Variants in MAGI2 observed in about 807,000 individuals in gnomAD.
The protein encoded by MAGI2 is membrane-associated guanylate kinase, WW and PDZ domain-containing protein 2.
In MAGI2, 35 loss-of-function variants were observed where a neutral mutation model predicts 133.3. The observed-to-expected ratio is 0.26, with a 90% CI of 0.20 to 0.35. The LOEUF (loss-of-function observed/expected upper bound fraction) is 0.35, where lower values mean the gene tolerates loss of function less well. Among genes scored for constraint, MAGI2 ranks in the 10% least tolerant of loss-of-function variants. The probability of loss-of-function intolerance (pLI) is 1.00; values close to 1 mark genes in which losing one functional copy is unlikely to be tolerated. For synonymous variants in MAGI2, 729 were observed against 710.6 expected, an observed-to-expected ratio of 1.03 and a Z score of -0.41; for missense variants, 1,636 against 1,863.4, an observed-to-expected ratio of 0.88 and a Z score of 2.25.
intron 1 of MAGI2, among the ~76,000 whole-genome samples, chr7:79,073,474 C>A (rs976335680): frequency 1.3e-5 from 2 of 152,086 alleles, no homozygotes; most frequent in African/African-American, 4.8e-5. Flanking sequence ...TATATATGTT[C>A]ATTCCCTTGA....
intron 9 of MAGI2, among the ~76,000 whole-genome samples, chr7:78,273,129 A>AG (rs1259144467): frequency 6.6e-6 from 1 of 152,162 alleles, no homozygotes; most frequent in Non-Finnish European, 1.5e-5. Context: ...CTTGTAAGGC[A>AG]GGCCTGGTGG....
rs577216378 is a variant in MAGI2, at chr7:79,129,698, C to A, written c.302-122492G>T. On this transcript the variant is annotated intron_variant, in intron 1 of 21. Coordinates refer to ENST00000354212, the MANE Select transcript of MAGI2 (RefSeq NM_012301.4). ...AGTCTCACTGCTTTAACAGAATAGG[C>A]CACAGAACTTTAAAGATGCAAAATG... Among the ~76,000 whole-genome samples, 4 of 152,122 alleles carry A rather than the reference C, an allele frequency of 2.6e-5. No individual in the cohort carries two copies. In the East Asian group the frequency reaches 7.7e-4, roughly 29 times the overall value.
At chr7:78,028,287 A>T (rs1015312069) in intron 21 of MAGI2, among the ~76,000 whole-genome samples, 8 of 152,242 alleles carry the variant, frequency 5.3e-5, no homozygotes, top group Admixed American at 5.2e-4. Flanking sequence ...TGTAAACTAG[A>T]TGTTATGAAC....
chr7:78,724,092 G>T (rs866280623), intron 2 of MAGI2, among the ~76,000 whole-genome samples: 1 of 152,162 alleles, frequency 6.6e-6, no homozygotes, highest in Admixed American at 6.5e-5. Flanking sequence ...TTAATTGGGT[G>T]CTGTAGCTGA....
At chr7:78,505,022 A>G (rs1212041666) in intron 4 of MAGI2, among the ~76,000 whole-genome samples, 1 of 152,194 alleles carries the variant, frequency 6.6e-6, no homozygotes, top group East Asian at 1.9e-4. Context: ...GCAAGGATGT[A>G]CAACAGATTG....
At chr7:79,230,150 C>T (rs1347800862) in intron 1 of MAGI2, among the ~76,000 whole-genome samples, 1 of 151,362 alleles carries the variant, frequency 6.6e-6, no homozygotes, top group Non-Finnish European at 1.5e-5. Flanking sequence ...CATAGCATTC[C>T]ATGGTGTATA....
intron 1 of MAGI2, among the ~76,000 whole-genome samples, chr7:79,105,760 G>A (rs1008443159): frequency 4.0e-5 from 6 of 151,830 alleles, no homozygotes; most frequent in Non-Finnish European, 8.8e-5. Context: ...TTTCTCCATT[G>A]TAGTTGACTA....
In MAGI2 at chr7:78,220,630, G is replaced by A. The variant is rs200775129; in HGVS notation, c.2048-19437C>T. 1.7e-4 allele frequency among the ~76,000 whole-genome samples: 25 copies of A among 150,946 alleles called. No homozygotes were observed. In the East Asian group the frequency reaches 3.5e-3, roughly 21 times the overall value. On this transcript the variant is annotated intron_variant, in intron 10 of 21. Transcript: ENST00000354212. ...TCAGTATATTCTATTTCCCTTTAAC[G>A]GAAGATAAAACCAGCTTATATTTTA... is the stretch of plus-strand genomic sequence containing the variant.
chr7:78,108,658 GTGTGTGTGTGTATACACACATATA>G (rs1386404451), intron 20 of MAGI2, among the ~76,000 whole-genome samples: 189 of 119,866 alleles, frequency 1.6e-3, no homozygotes, highest in Non-Finnish European at 2.8e-3. Flanking sequence ...GTGTGTGTGT[GTGTGTGTGTGTATACACACATATA>G]TGTGAGTGTA....
intron 1 of MAGI2, among the ~76,000 whole-genome samples, chr7:79,311,399 G>A (rs1838281062): frequency 2.0e-5 from 3 of 152,058 alleles, no homozygotes; most frequent in Non-Finnish European, 4.4e-5. Context: ...AATTTGTGTT[G>A]TGCTGCATTC....
At chr7:78,962,786 A>G (rs1802959371) in intron 2 of MAGI2, among the ~76,000 whole-genome samples, 1 of 152,012 alleles carries the variant, frequency 6.6e-6, no homozygotes. Flanking sequence ...CAGAGAAAAA[A>G]TTTAAGTGAA....
intron 6 of MAGI2, among the ~76,000 whole-genome samples, chr7:78,469,481 C>G (rs376013479): frequency 2.0e-5 from 3 of 152,054 alleles, no homozygotes; most frequent in Admixed American, 2.0e-4. Context: ...TACACAAAGT[C>G]GCCTAAGTGA....
chr7:78,110,405 TAACAA>T (rs1819236083), intron 20 of MAGI2, among the ~76,000 whole-genome samples: 1 of 152,168 alleles, frequency 6.6e-6, no homozygotes, highest in Non-Finnish European at 1.5e-5. Context: ...TAAGATGGCA[TAACAA>T]CAACTCGTGA....
chr7:78,021,500 T>A (rs1033761105), intron 21 of MAGI2, among the ~76,000 whole-genome samples: 3 of 152,222 alleles, frequency 2.0e-5, no homozygotes, highest in Non-Finnish European at 4.4e-5. Flanking sequence ...GGGTCTACTT[T>A]GTTTGAAACT....
chr7:78,050,924 C>T (rs1191662076), intron 21 of MAGI2, among the ~76,000 whole-genome samples: 1 of 152,210 alleles, frequency 6.6e-6, no homozygotes, highest in Non-Finnish European at 1.5e-5. Context: ...AGCACTTTCA[C>T]ACTCAGTTAA....
chr7:78,821,233 C>A (rs1298326778), intron 2 of MAGI2, among the ~76,000 whole-genome samples: 1 of 152,014 alleles, frequency 6.6e-6, no homozygotes, highest in African/African-American at 2.4e-5. Flanking sequence ...AGTATCCATT[C>A]AATCATTTAA....
At chr7:79,147,600 G>A (rs1439136514) in intron 1 of MAGI2, among the ~76,000 whole-genome samples, 2 of 152,140 alleles carry the variant, frequency 1.3e-5, no homozygotes, top group African/African-American at 4.8e-5. Context: ...GTCCACCCCA[G>A]GGCCCAGATA....
At chr7:78,740,320 C>A (rs1307475875) in intron 2 of MAGI2, among the ~76,000 whole-genome samples, 1 of 151,978 alleles carries the variant, frequency 6.6e-6, no homozygotes, top group Non-Finnish European at 1.5e-5. Flanking sequence ...CAGTACATAC[C>A]TTGATATATT....
chr7:79,174,980 C>T (rs192006416), intron 1 of MAGI2, among the ~76,000 whole-genome samples: 13 of 151,818 alleles, frequency 8.6e-5, no homozygotes, highest in Admixed American at 8.5e-4. Flanking sequence ...TGCTCTTGGG[C>T]CAAGTAATTC....
Sources: gnomAD v4.1 joint callset for allele counts (sites outside exome capture counted in the v4.1 genomes callset) on GRCh38, gnomAD v4.1.1 for gene constraint, MANE v1.5 for transcripts, NCBI Gene and HGNC (gene_info 2026-07-23, HGNC 2026-07-21) for gene names.